Variants in SMARCAD1 observed in about 807,000 individuals in gnomAD.
The protein encoded by SMARCAD1 is SWI/SNF-related matrix-associated actin-dependent regulator of chromatin subfamily A containing DEAD/H box 1.
SMARCAD1 carries 25 observed loss-of-function variants against 127.1 expected under a neutral mutation model. The observed-to-expected ratio is 0.20, with a 90% confidence interval of 0.14 to 0.27. SMARCAD1 has a LOEUF of 0.27. SMARCAD1 is among the 10% of genes least tolerant of loss of function. The probability of loss-of-function intolerance (pLI) is 1.00; values close to 1 mark genes in which losing one functional copy is unlikely to be tolerated. For missense variants in SMARCAD1, 807 were observed against 1,206.0 expected, an observed-to-expected ratio of 0.67 and a Z score of 4.90; for synonymous variants, 400 against 396.9, an observed-to-expected ratio of 1.01 and a Z score of -0.09.
chr4:94,215,112 C>T (rs1324076552), intron 2 of SMARCAD1, among the ~76,000 whole-genome samples: 1 of 152,100 alleles, frequency 6.6e-6, no homozygotes, highest in African/African-American at 2.4e-5. Context: ...CTTCATAATT[C>T]CGTGACCATT....
chr4:94,217,435 G>C (rs1171033130), intron 2 of SMARCAD1, among the ~76,000 whole-genome samples: 2 of 151,998 alleles, frequency 1.3e-5, no homozygotes, highest in Non-Finnish European at 2.9e-5. Flanking sequence ...CCTAGATTTT[G>C]ATGTGTTTTT....
chr4:94,255,075 CA>C (rs1227646082), intron 9 of SMARCAD1, among the ~76,000 whole-genome samples: 1 of 151,790 alleles, frequency 6.6e-6, no homozygotes, highest in African/African-American at 2.4e-5. Flanking sequence ...AAACAAAAGC[CA>C]AAAAAATTGT....
intron 2 of SMARCAD1, among the ~76,000 whole-genome samples, chr4:94,217,505 G>A (rs1307181311): frequency 6.6e-6 from 1 of 152,008 alleles, no homozygotes; most frequent in African/African-American, 2.4e-5. Flanking sequence ...ATGAGGTTTT[G>A]TCTCTTTTTA....
chr4:94,230,283 ATTT>A (rs796727040), intron 3 of SMARCAD1, among the ~76,000 whole-genome samples: 1 of 144,900 alleles, frequency 6.9e-6, no homozygotes, highest in Admixed American at 6.9e-5. Context: ...ACTTTCGTGT[ATTT>A]TTTTTTTTGT....
intron 4 of SMARCAD1, among the ~76,000 whole-genome samples, chr4:94,236,545 C>T (rs1746684411): frequency 6.6e-6 from 1 of 152,020 alleles, no homozygotes; most frequent in Admixed American, 6.6e-5. Context: ...TGTCAGTCTC[C>T]TCTTTCCCCT....
intron 2 of SMARCAD1, among the ~76,000 whole-genome samples, chr4:94,218,976 T>C (rs755338206): frequency 7.2e-5 from 11 of 152,018 alleles, no homozygotes; most frequent in Non-Finnish European, 7.4e-5. Context: ...CACGCCTGGC[T>C]AATTTTTGTG....
At position 94,264,749 on chromosome 4, in the gene SMARCAD1, A is replaced by T. The variant is rs769519516; in HGVS notation, c.1324A>T (p.Ile442Leu). 1.9e-6 allele frequency: 3 copies of T among 1,612,318 alleles called. No homozygotes were observed. Among genetic ancestry groups the T allele is most frequent in the Non-Finnish European group, 1.7e-6 (2 of 1,179,006 alleles). Residue 442 changes from isoleucine to leucine, a missense_variant, in exon 10 of 24, where the codon ATA becomes TTA. Ile to Leu is a conservative substitution (Grantham distance 5). Around this residue, in one of 8 missense-constraint regions of SMARCAD1, gnomAD observed 257 missense variants for 303.4 expected, o/e 0.85. Transcript: ENST00000354268. Reference protein sequence around the residue: ...SKTNGLSEDLIWHCKTLIQER... With the variant: ...SKTNGLSEDLLWHCKTLIQER... The stretch of plus-strand genomic sequence containing the variant: ...AACTAATGGCTTATCAGAAGATTTG[A>T]TATGGCACTGTAAAACACTGATCCA...
intron 9 of SMARCAD1, among the ~76,000 whole-genome samples, chr4:94,256,073 C>T (rs1750028323): frequency 6.6e-6 from 1 of 152,112 alleles, no homozygotes; most frequent in Admixed American, 6.6e-5. Context: ...TTTGTCTAGC[C>T]TTGCACACAG....
At chr4:94,227,001 G>A (rs1745128208) in intron 3 of SMARCAD1, among the ~76,000 whole-genome samples, 1 of 152,066 alleles carries the variant, frequency 6.6e-6, no homozygotes, top group Admixed American at 6.6e-5. Flanking sequence ...ACCACACCTG[G>A]CTCGAGGGTC....
At chr4:94,229,324 T>G (rs1479316529) in intron 3 of SMARCAD1, among the ~76,000 whole-genome samples, 1 of 152,192 alleles carries the variant, frequency 6.6e-6, no homozygotes, top group African/African-American at 2.4e-5. Flanking sequence ...ACACTTGTAT[T>G]TGGTAGTCTG....
rs1439996220 is a variant in SMARCAD1 at position 94,277,115 on chromosome 4, A to G, written c.2038A>G (p.Ser680Gly). 6.2e-7 allele frequency: 1 copy of G among 1,614,118 alleles called. No individual in the cohort carries two copies. Among genetic ancestry groups the G allele is most frequent in the Non-Finnish European group, 8.5e-7 (1 of 1,179,960 alleles). The change falls in exon 16 of 24, where the codon AGT becomes GGT. Residue 680 changes from serine to glycine, a missense_variant. Around this residue, in one of 8 missense-constraint regions of SMARCAD1, gnomAD observed 148 missense variants for 313.2 expected, o/e 0.47. Transcript: ENST00000354268. ...GAATTTTGTTATGCCACACATGTTT[A>G]GTAGTAGCACCAGTGAAATACGAAG... Reference protein sequence around the residue: ...LLNFVMPHMFSSSTSEIRRMF... With the variant: ...LLNFVMPHMFGSSTSEIRRMF...
At chr4:94,230,724 A>G (rs1002350454) in intron 3 of SMARCAD1, among the ~76,000 whole-genome samples, 2 of 152,144 alleles carry the variant, frequency 1.3e-5, no homozygotes, top group South Asian at 4.1e-4. Context: ...ACTGATGTGT[A>G]TGCTAGAAAC....
At chr4:94,241,517 T>G (rs895955834) in intron 6 of SMARCAD1, among the ~76,000 whole-genome samples, 43 of 152,160 alleles carry the variant, frequency 2.8e-4, no homozygotes, top group Admixed American at 7.2e-4. Context: ...GGTCACATTC[T>G]GAGGTACTGG....
In SMARCAD1 at chr4:94,264,826, T is replaced by C; in HGVS notation, c.1401T>C (p.Asn467=). 8 of 1,613,152 alleles carry C rather than the reference T, an allele frequency of 5.0e-6. No individual in the cohort carries two copies. Among genetic ancestry groups the C allele is most frequent in the Non-Finnish European group, 6.8e-6 (8 of 1,179,340 alleles). Residue 467 remains asparagine, a synonymous_variant, in exon 10 of 24, where the codon AAT becomes AAC. Transcript: ENST00000354268. The part of the protein sequence containing the change: ...RLMNKCEDIS[N]KLTKQVTMLT... ...TGAACAAATGTGAAGACATTTCAAA[T>C]AAATTGACCAAACAAGTTACCATGC...
At chr4:94,250,265 A>C (rs984394163) in intron 7 of SMARCAD1, among the ~76,000 whole-genome samples, 7 of 151,990 alleles carry the variant, frequency 4.6e-5, no homozygotes, top group African/African-American at 1.4e-4. Flanking sequence ...TCATATATAG[A>C]AGCACATATT....
intron 2 of SMARCAD1, among the ~76,000 whole-genome samples, chr4:94,210,928 T>TTAA (rs1742122063): frequency 6.6e-5 from 1 of 15,096 alleles, no homozygotes; most frequent in Non-Finnish European, 1.3e-4. Context: ...AGACTGTATC[T>TTAA]CAAAAAAAAA....
intron 6 of SMARCAD1, among the ~76,000 whole-genome samples, chr4:94,247,399 A>T (rs954791327): frequency 7.9e-5 from 12 of 152,180 alleles, no homozygotes; most frequent in Non-Finnish European, 1.2e-4. Context: ...GTCACCAGGG[A>T]TAAGCAGAGC....
intron 2 of SMARCAD1, among the ~76,000 whole-genome samples, chr4:94,224,379 TG>T (rs763874154): frequency 9.2e-5 from 14 of 152,210 alleles, no homozygotes; most frequent in Non-Finnish European, 1.5e-4. Flanking sequence ...GGACCAGAAA[TG>T]TTTCTCATTT....
At chr4:94,287,484 G>T (rs1473240259) in intron 23 of SMARCAD1, among the ~76,000 whole-genome samples, 3 of 152,144 alleles carry the variant, frequency 2.0e-5, no homozygotes, top group Non-Finnish European at 4.4e-5. Context: ...ATGCTTATCA[G>T]ATTTTTGTGT....
Sources: allele counts gnomAD v4.1 joint callset (sites outside exome capture counted in the v4.1 genomes callset), GRCh38; gene constraint gnomAD v4.1.1; regional missense constraint gnomAD v4.1.1; transcripts MANE v1.5; gene names NCBI Gene and HGNC (gene_info 2026-07-23, HGNC 2026-07-21).